The following EVI5 variants were observed in gnomAD, a reference collection of about 807,000 sequenced individuals.
EVI5 encodes the protein ecotropic viral integration site 5.
A neutral mutation model predicts 112.0 loss-of-function variants in EVI5; 73 were observed. The observed-to-expected ratio is 0.65, with a 90% CI of 0.54 to 0.79. The LOEUF is 0.79. EVI5 is among the 30% of genes least tolerant of loss of function. EVI5 has a pLI of 0.00. For synonymous variants in EVI5, 305 were observed against 319.9 expected, an observed-to-expected ratio of 0.95 and a Z score of 0.50; for missense variants, 900 against 968.8, an observed-to-expected ratio of 0.93 and a Z score of 0.94.
intron 1 of EVI5, among the ~76,000 whole-genome samples, chr1:92,743,460 CACTTTTATGAGATAGTCAAATCCA>C (rs1558186945): frequency 6.6e-6 from 1 of 151,968 alleles, no homozygotes; most frequent in Non-Finnish European, 1.5e-5. Flanking sequence ...TGTGTGATTC[CACTTTTATGAGATAGTCAAATCCA>C]CAGAGACAGA....
At chr1:92,747,031 G>A (rs1393543122) in intron 1 of EVI5, among the ~76,000 whole-genome samples, 3 of 152,110 alleles carry the variant, frequency 2.0e-5, no homozygotes, top group East Asian at 1.9e-4. Flanking sequence ...GTAAAAGTCT[G>A]TATTTCCCAA....
rs1421577005 is a variant in EVI5 at position 92,526,895 on chromosome 1, T to C, written c.2167-12925A>G. On this transcript the variant is annotated intron_variant, in intron 19 of 19. Coordinates refer to ENST00000684568, the MANE Select transcript of EVI5 (RefSeq NM_001350197.2). ...ATGTTGGCTCATCAATTGTAACTTATGTATTAAGCTACTGCAGGATGTCAA... is the reference window on the plus strand; with the variant it reads ...ATGTTGGCTCATCAATTGTAACTTACGTATTAAGCTACTGCAGGATGTCAA... Among the ~76,000 whole-genome samples the C allele has an allele frequency of 2.0e-5, 3 of 152,218 alleles. No individual in the cohort carries two copies. The East Asian group carries it at 5.8e-4, about 29-fold the overall frequency.
intron 10 of EVI5, among the ~76,000 whole-genome samples, chr1:92,669,666 C>A (rs562899588): frequency 6.6e-6 from 1 of 150,812 alleles, no homozygotes; most frequent in Admixed American, 6.6e-5. Flanking sequence ...TTTGTTAGGT[C>A]CTATTCTATT....
chr1:92,680,532 G>A (rs1558056960), intron 9 of EVI5, among the ~76,000 whole-genome samples: 2 of 152,084 alleles, frequency 1.3e-5, no homozygotes, highest in East Asian at 1.9e-4. Context: ...AAAGAATGAG[G>A]GAGTGGGAAA....
At chr1:92,642,939 C>T (rs1169815161) in intron 13 of EVI5, among the ~76,000 whole-genome samples, 1 of 152,112 alleles carries the variant, frequency 6.6e-6, no homozygotes, top group Non-Finnish European at 1.5e-5. Flanking sequence ...ATGGTAAGAC[C>T]AAGAACAGCT....
intron 19 of EVI5, among the ~76,000 whole-genome samples, chr1:92,524,030 G>A (rs538088556): frequency 1.3e-5 from 2 of 151,458 alleles, no homozygotes; most frequent in South Asian, 4.2e-4. Context: ...TTGGGAGGTG[G>A]AGGTTGCAGT....
At chr1:92,547,376 A>C (rs1665917991) in intron 19 of EVI5, among the ~76,000 whole-genome samples, 2 of 152,242 alleles carry the variant, frequency 1.3e-5, no homozygotes, top group African/African-American at 4.8e-5. Context: ...TATGGCACTA[A>C]ATGCCTACAA....
intron 9 of EVI5, among the ~76,000 whole-genome samples, chr1:92,684,197 G>T (rs182188796): frequency 1.3e-5 from 2 of 152,132 alleles, no homozygotes; most frequent in Non-Finnish European, 2.9e-5. Context: ...GACTAACAGC[G>T]GATCTCTAGG....
intron 6 of EVI5, among the ~76,000 whole-genome samples, chr1:92,696,323 T>C (rs893527163): frequency 4.6e-5 from 7 of 152,002 alleles, no homozygotes; most frequent in African/African-American, 9.7e-5. Context: ...TAATTAAGAA[T>C]CATCTCAAGT....
chr1:92,779,127 A>G (rs1363638381), intron 1 of EVI5, among the ~76,000 whole-genome samples: 1 of 152,228 alleles, frequency 6.6e-6, no homozygotes, highest in African/African-American at 2.4e-5. Context: ...ACTGTTAATC[A>G]TGAACAGACA....
chr1:92,637,442 C>T (rs1659110999), intron 13 of EVI5, among the ~76,000 whole-genome samples: 1 of 151,614 alleles, frequency 6.6e-6, no homozygotes, highest in Non-Finnish European at 1.5e-5. Context: ...GACGCAGATG[C>T]TGCACAAAGA....
At position 92,662,746 on chromosome 1, in the gene EVI5, G is replaced by A. The variant is rs1664238204; in HGVS notation, c.1365C>T (p.Ile455=). 7.8e-7 allele frequency: 1 copy of A among 1,285,370 alleles called. No homozygotes were observed. The highest frequency in any genetic ancestry group is 1.0e-6 in the Non-Finnish European group (1 of 987,082). The allele number at this position is 1,285,370 out of a possible 1,614,324, so 79.6% of individuals were successfully genotyped here. ...SAKLEQAENT[I]RKLQHQQQWH... The stretch of plus-strand genomic sequence containing the variant: ...ATTGTTGTTGGTGCTGGAGCTTCCT[G>A]ATGGTATTTTCAGCTTGCTCCAGCT... The change falls in exon 13 of 20, where the codon ATC becomes ATT. Residue 455 remains isoleucine, a synonymous_variant. Transcript: ENST00000684568.
At chr1:92,779,920 C>A (rs1229965904) in intron 1 of EVI5, among the ~76,000 whole-genome samples, 1 of 152,126 alleles carries the variant, frequency 6.6e-6, no homozygotes, top group Non-Finnish European at 1.5e-5. Context: ...GGACTCTAGT[C>A]TAGGTTCCCT....
chr1:92,538,907 G>C (rs1378906411), intron 19 of EVI5, among the ~76,000 whole-genome samples: 1 of 152,200 alleles, frequency 6.6e-6, no homozygotes, highest in Non-Finnish European at 1.5e-5. Context: ...AGAGGTGAGA[G>C]ATGAAACTTG....
chr1:92,552,275 C>G (rs561012603), intron 19 of EVI5, among the ~76,000 whole-genome samples: 1 of 152,200 alleles, frequency 6.6e-6, no homozygotes, highest in South Asian at 2.1e-4. Flanking sequence ...AAATATAAGG[C>G]TGAATAAGAT....
intron 16 of EVI5, among the ~76,000 whole-genome samples, chr1:92,611,941 AG>A (rs1651925442): frequency 6.6e-6 from 1 of 152,038 alleles, no homozygotes; most frequent in Non-Finnish European, 1.5e-5. Flanking sequence ...AAAATTAAAT[AG>A]AAAAAAAAGA....
At chr1:92,572,749 G>A (rs1455704436) in intron 18 of EVI5, among the ~76,000 whole-genome samples, 7 of 151,976 alleles carry the variant, frequency 4.6e-5, no homozygotes, top group African/African-American at 1.7e-4. Flanking sequence ...ATGGGTTCGG[G>A]GGTGTTCAAA....
chr1:92,540,680 T>C (rs918949801), intron 19 of EVI5, among the ~76,000 whole-genome samples: 1 of 152,222 alleles, frequency 6.6e-6, no homozygotes, highest in Non-Finnish European at 1.5e-5. Context: ...TAAATTTTGA[T>C]GATGTTCAGC....
intron 9 of EVI5, 78 bp downstream of exon 9, chr1:92,693,724 A>C: frequency 1.3e-6 from 1 of 770,566 alleles, no homozygotes; most frequent in Non-Finnish European, 2.2e-6. Context: ...ATAGTTCTAT[A>C]ACCTAAGGAG....
Sources: gnomAD v4.1 joint callset for allele counts (sites outside exome capture counted in the v4.1 genomes callset) on GRCh38, gnomAD v4.1.1 for gene constraint, MANE v1.5 for transcripts, NCBI Gene and HGNC (gene_info 2026-07-23, HGNC 2026-07-21) for gene names.